Variants in MKS1 observed in about 807,000 individuals in gnomAD.
The protein encoded by MKS1 is MKS transition zone complex subunit 1, also known as tectonic-like complex member MKS1.
In MKS1, 70 loss-of-function variants were observed where a neutral mutation model predicts 83.7. That is an observed-to-expected ratio of 0.84 (90% CI 0.69 to 1.02). The LOEUF is 1.02. MKS1 is among the 50% of genes least tolerant of loss of function. The pLI, the probability that MKS1 is intolerant of heterozygous loss-of-function variation, is 0.00. For missense variants in MKS1, 681 were observed against 726.9 expected (o/e 0.94, Z 0.73); for synonymous variants, 251 against 273.4 (o/e 0.92, Z 0.81).
At chr17:58,212,304 A>G in intron 9 of MKS1, 74 bp downstream of exon 9, 1 of 1,531,770 alleles carries the variant, frequency 6.5e-7, no homozygotes, top group East Asian at 2.2e-5. Context: ...TAAGAGAGGT[A>G]GTGTAACTCA....
At chr17:58,207,273 C>T (rs1968579272) in intron 14 of MKS1, 55 bp from the exon 15 acceptor site, 2 of 1,609,638 alleles carry the variant, frequency 1.2e-6, no homozygotes, top group Non-Finnish European at 1.7e-6. Flanking sequence ...TGTGGCCCCT[C>T]ACTGACTCCC....
intron 8 of MKS1, among the ~76,000 whole-genome samples, 197 bp from the exon 9 acceptor site, chr17:58,212,631 C>T (rs771304946): frequency 6.6e-6 from 1 of 152,200 alleles, no homozygotes; most frequent in Non-Finnish European, 1.5e-5. Flanking sequence ...GACTCTCGCC[C>T]TTACAAGCTA....
intron 9 of MKS1, among the ~76,000 whole-genome samples, chr17:58,211,298 A>C (rs1968861365): frequency 6.6e-6 from 1 of 152,248 alleles, no homozygotes; most frequent in East Asian, 1.9e-4. Context: ...TGTGGTGTGC[A>C]ATGGGAAGCC....
In MKS1 at chr17:58,205,970, T is replaced by G; in HGVS notation, c.*109A>C. The stretch of plus-strand genomic sequence containing the variant: ...GGGAATTTCCCAGCTTTTCTGGTTC[T>G]CAGCAGACCAACGTGGTCTCTAATC... On this transcript the variant is annotated 3_prime_UTR_variant, in exon 18 of 18. Coordinates refer to ENST00000393119, the MANE Select transcript of MKS1 (RefSeq NM_017777.4). 6.5e-7 allele frequency: 1 copy of G among 1,534,770 alleles called. No homozygotes were observed. The highest frequency in any genetic ancestry group is 8.7e-7 in the Non-Finnish European group (1 of 1,143,928).
intron 9 of MKS1, 30 bp downstream of exon 9, chr17:58,212,348 C>T (rs770940294): frequency 3.1e-6 from 5 of 1,612,252 alleles, no homozygotes; most frequent in Non-Finnish European, 3.4e-6. Context: ...AAACACAGCT[C>T]ACAGTGCTGC....
chr17:58,207,356 C>A lies in MKS1; in HGVS notation c.1274-138G>T, dbSNP rs1426307149. On this transcript the variant is annotated intron_variant, in intron 14 of 17. Coordinates refer to ENST00000393119, the MANE Select transcript of MKS1 (RefSeq NM_017777.4). Reference sequence around the variant, plus strand: ...TGACCTGGCCTCTGGTGCAGGTTATCATGGTTACCCATAGCACCTGTATGG... The same window carrying A: ...TGACCTGGCCTCTGGTGCAGGTTATAATGGTTACCCATAGCACCTGTATGG... 3 of 1,168,696 alleles carry A rather than the reference C, an allele frequency of 2.6e-6. No individual in the cohort carries two copies. In the Admixed American group the frequency reaches 6.5e-5, roughly 25 times the overall value. The allele number at this position is 1,168,696 out of a possible 1,614,324, so 72.4% of individuals were successfully genotyped here.
At chr17:58,217,936 A>G (rs1969323125) in intron 2 of MKS1, among the ~76,000 whole-genome samples, 1 of 152,250 alleles carries the variant, frequency 6.6e-6, no homozygotes, top group African/African-American at 2.4e-5. Context: ...GAACAGAAAG[A>G]GAAACAATAA....
chr17:58,205,736 C>A lies in MKS1; in HGVS notation c.*343G>T, dbSNP rs759501344. ...TTTTAAAGGGTGGAGAACAGCAGAT[C>A]CCCTGCTACTGTGAGACAAGCCAGA... is the stretch of plus-strand genomic sequence containing the variant. On this transcript the variant is annotated 3_prime_UTR_variant, in exon 18 of 18. Coordinates refer to ENST00000393119, the MANE Select transcript of MKS1 (RefSeq NM_017777.4). 2.9e-6 allele frequency: 4 copies of A among 1,366,332 alleles called. No individual in the cohort carries two copies. The highest frequency in any genetic ancestry group is 1.5e-5 in the African/African-American group (1 of 68,240). The allele number at this position is 1,366,332 out of a possible 1,614,324, so 84.6% of individuals were successfully genotyped here. A position where few individuals can be genotyped will look rare whatever the true frequency, so the allele number is the denominator to read the frequency against.
chr17:58,217,822 AAAAACAAAG>A (rs888804995), intron 2 of MKS1, among the ~76,000 whole-genome samples: 39 of 152,334 alleles, frequency 2.6e-4, no homozygotes, highest in Non-Finnish European at 4.7e-4. Flanking sequence ...AAACGAAAAC[AAAAACAAAG>A]AAAACAAATC....
At chr17:58,215,021 C>T in intron 4 of MKS1, 183 bp from the exon 5 acceptor site, 1 of 868,900 alleles carries the variant, frequency 1.2e-6, no homozygotes, top group Non-Finnish European at 1.7e-6. Context: ...AGATTTCTAC[C>T]ACATCATGGT....
intron 2 of MKS1, 109 bp downstream of exon 2, chr17:58,218,511 C>A: frequency 1.9e-6 from 1 of 525,150 alleles, no homozygotes; most frequent in Non-Finnish European, 3.6e-6. Context: ...TGCCGGGCAA[C>A]TCTATAACAT....
intron 1 of MKS1, 37 bp from the exon 2 acceptor site, chr17:58,218,766 C>T: frequency 1.3e-6 from 2 of 1,527,616 alleles, no homozygotes; most frequent in African/African-American, 1.4e-5. Flanking sequence ...TTACCAGACA[C>T]GCAACCAGGA....
At chr17:58,212,289 G>T in intron 9 of MKS1, 89 bp downstream of exon 9, 1 of 1,438,060 alleles carries the variant, frequency 7.0e-7, no homozygotes, top group Non-Finnish European at 9.8e-7. Flanking sequence ...ATACCTTTGG[G>T]CCTTTAAGAG....
chr17:58,208,382 G>T, intron 12 of MKS1, 131 bp downstream of exon 12: 2 of 1,137,086 alleles, frequency 1.8e-6, no homozygotes, highest in Non-Finnish European at 2.6e-6. Flanking sequence ...TGGCCCTGTA[G>T]AACCCACACA....
chr17:58,213,029 G>T lies in MKS1; in HGVS notation c.811C>A (p.His271Asn), dbSNP rs201771125. 71 of 1,613,952 alleles carry T rather than the reference G, an allele frequency of 4.4e-5. No individual in the cohort carries two copies. In the African/African-American group the frequency reaches 4.4e-4, roughly 10 times the overall value. ...CGCTCCTCCTCCTCCGGCTGTGCGT[G>T]GGGGGAAACATTGTCGATCGTATAT... ...WKYTIDNVSP[H>N]AQPEEEERER... Residue 271 changes from histidine (H) to asparagine (N), a missense_variant, in exon 8 of 18, where the codon CAC (histidine) becomes AAC (asparagine). This residue lies in a region of MKS1 where 365 missense variants were observed against 383.8 expected (regional missense o/e 0.95). Coordinates refer to ENST00000393119, the MANE Select transcript of MKS1 (RefSeq NM_017777.4).
chr17:58,216,553 G>C, intron 3 of MKS1, 113 bp downstream of exon 3: 1 of 1,202,894 alleles, frequency 8.3e-7, no homozygotes, highest in Admixed American at 1.9e-5. Flanking sequence ...CACAACAGGG[G>C]AAAGTATAAA....
chr17:58,209,206 G>A lies in MKS1; in HGVS notation c.1025-623C>T, dbSNP rs564670022. 1.8e-4 allele frequency among the ~76,000 whole-genome samples: 27 copies of A among 152,328 alleles called. No individual in the cohort carries two copies. Among genetic ancestry groups the A allele is most frequent in the South Asian group, 1.2e-3 (6 of 4,826 alleles). On this transcript the variant is annotated intron_variant, in intron 11 of 17. Transcript: ENST00000393119. The surrounding 1 kb of genome is among the most constrained non-coding windows in gnomAD (Gnocchi z 4.1). ...TCGGAGCTGTTGGGTACACCTCCCA[G>A]ATGGGGCGGCCGGGCAGAGGCGCTC...
intron 14 of MKS1, chr17:58,207,531 T>G (rs188613495): frequency 2.6e-4 from 139 of 544,880 alleles, no homozygotes; most frequent in East Asian, 1.1e-3. Context: ...CTGGGAGAAT[T>G]AAGTGAGAAG....
At position 58,205,720 on chromosome 17, in the gene MKS1, G is replaced by A; in HGVS notation, c.*359C>T. ...AGATGAAAGGCTCCATTTTTAAAGGGTGGAGAACAGCAGATCCCCTGCTAC... is the reference window on the plus strand; with the variant it reads ...AGATGAAAGGCTCCATTTTTAAAGGATGGAGAACAGCAGATCCCCTGCTAC... On this transcript the variant is annotated 3_prime_UTR_variant, in exon 18 of 18. Transcript: ENST00000393119. 1.5e-6 allele frequency: 2 copies of A among 1,343,494 alleles called. No homozygotes were observed. Among genetic ancestry groups the A allele is most frequent in the Non-Finnish European group, 9.8e-7 (1 of 1,015,458 alleles). The allele number at this position is 1,343,494 out of a possible 1,614,324, so 83.2% of individuals were successfully genotyped here. A position where few individuals can be genotyped will look rare whatever the true frequency, so the allele number is the denominator to read the frequency against.
Sources: allele counts gnomAD v4.1 joint callset (sites outside exome capture counted in the v4.1 genomes callset), GRCh38; gene constraint gnomAD v4.1.1; regional missense constraint gnomAD v4.1.1; non-coding constraint Gnocchi (gnomAD v3.1); transcripts MANE v1.5; gene names NCBI Gene and HGNC (gene_info 2026-07-23, HGNC 2026-07-21).